Variants in VAV3 observed in about 807,000 individuals in gnomAD.
VAV3 encodes the protein vav guanine nucleotide exchange factor 3.
Under a neutral mutation model 131.2 loss-of-function variants are expected in VAV3, and 94 were observed. The ratio of observed to expected loss-of-function variants is 0.72; its 90% CI spans 0.61 to 0.85. The LOEUF is 0.85. Ranked by LOEUF, VAV3 falls within the 40% of genes least tolerant of loss-of-function variation. The pLI is 0.00. For missense variants in VAV3, 939 were observed against 1,002.7 expected (o/e 0.94, Z 0.86); for synonymous variants, 349 against 342.0 (o/e 1.02, Z -0.22).
intron 17 of VAV3, among the ~76,000 whole-genome samples, chr1:107,701,001 C>T (rs1197173095): frequency 2.6e-5 from 4 of 152,082 alleles, no homozygotes; most frequent in Admixed American, 1.3e-4. Flanking sequence ...TTCTGAATAG[C>T]GTGAGATGGT....
intron 20 of VAV3, among the ~76,000 whole-genome samples, chr1:107,641,332 TTC>T (rs1570667444): frequency 1.3e-5 from 2 of 152,198 alleles, no homozygotes; most frequent in Admixed American, 1.3e-4. Flanking sequence ...TTTCTCTGAT[TTC>T]TCTCTTTTTA....
intron 1 of VAV3, among the ~76,000 whole-genome samples, chr1:107,952,942 A>G (rs936166946): frequency 2.0e-5 from 3 of 152,238 alleles, no homozygotes; most frequent in African/African-American, 7.2e-5. Flanking sequence ...CAGACTAAAA[A>G]ATAACAGAAA....
intron 2 of VAV3, among the ~76,000 whole-genome samples, chr1:107,858,863 T>C (rs2100978449): frequency 6.6e-6 from 1 of 152,290 alleles, no homozygotes; most frequent in African/African-American, 2.4e-5. Context: ...GACATCTCAT[T>C]CTTCAAATGT....
chr1:107,881,484 T>C (rs1202762102), intron 1 of VAV3, among the ~76,000 whole-genome samples: 2 of 152,178 alleles, frequency 1.3e-5, no homozygotes, highest in East Asian at 3.9e-4. Flanking sequence ...TGTCTTCACA[T>C]ATAAAAACTC....
At chr1:107,703,896 G>A (rs186503202) in intron 17 of VAV3, among the ~76,000 whole-genome samples, 214 of 152,240 alleles carry the variant, frequency 1.4e-3, no homozygotes, top group African/African-American at 5.0e-3. Flanking sequence ...ATAAAGACAA[G>A]GAAGAGAGCC....
chr1:107,803,887 T>C (rs1384556428), intron 2 of VAV3, among the ~76,000 whole-genome samples: 2 of 152,008 alleles, frequency 1.3e-5, no homozygotes, highest in Non-Finnish European at 2.9e-5. Flanking sequence ...AATCTATCTC[T>C]CCCTTCAGAT....
chr1:107,919,627 A>G (rs956663467), intron 1 of VAV3, among the ~76,000 whole-genome samples: 7 of 152,188 alleles, frequency 4.6e-5, no homozygotes, highest in African/African-American at 1.7e-4. Flanking sequence ...TATATATATT[A>G]TGCATAATTT....
chr1:107,907,057 A>C (rs1369900617), intron 1 of VAV3, among the ~76,000 whole-genome samples: 1 of 152,228 alleles, frequency 6.6e-6, no homozygotes, highest in African/African-American at 2.4e-5. Flanking sequence ...GAATTTTTAT[A>C]TCTCCACAAC....
intron 19 of VAV3, among the ~76,000 whole-genome samples, chr1:107,656,679 T>C (rs1348795334): frequency 1.3e-5 from 2 of 152,154 alleles, no homozygotes; most frequent in Non-Finnish European, 2.9e-5. Context: ...GATGTGACTA[T>C]ATCAGTGTAT....
rs571080741 is a variant in VAV3, at chr1:107,843,524, C to T, written c.321+31377G>A. On this transcript the variant is annotated intron_variant, in intron 2 of 26. Coordinates refer to ENST00000370056, the MANE Select transcript of VAV3 (RefSeq NM_006113.5). ...TGTTGAGATTAAAAATGTATGTGTG[C>T]GTGTGTGTGTGTGTATATATATATA... 1.3e-3 allele frequency among the ~76,000 whole-genome samples: 197 copies of T among 146,104 alleles called. 1 individual carries two copies. The highest frequency in any genetic ancestry group is 8.3e-3 in the South Asian group (38 of 4,594).
intron 1 of VAV3, among the ~76,000 whole-genome samples, chr1:107,935,746 A>G (rs1171949682): frequency 6.6e-6 from 1 of 152,170 alleles, no homozygotes; most frequent in African/African-American, 2.4e-5. Flanking sequence ...GGCACCAAAA[A>G]CAGACAGGCC....
At chr1:107,810,329 A>G (rs1667256608) in intron 2 of VAV3, among the ~76,000 whole-genome samples, 1 of 152,204 alleles carries the variant, frequency 6.6e-6, no homozygotes, top group African/African-American at 2.4e-5. Flanking sequence ...CAATGAGGAC[A>G]GAAGAGACAT....
chr1:107,587,155 T>C (rs571080362), intron 25 of VAV3, among the ~76,000 whole-genome samples: 9 of 152,264 alleles, frequency 5.9e-5, no homozygotes, highest in African/African-American at 1.2e-4. Flanking sequence ...GAGTATGATA[T>C]AGTATTTAAT....
intron 1 of VAV3, among the ~76,000 whole-genome samples, chr1:107,921,013 T>A (rs1429443264): frequency 6.6e-6 from 1 of 152,190 alleles, no homozygotes; most frequent in Non-Finnish European, 1.5e-5. Flanking sequence ...TCATAAAGCT[T>A]TTTAACTGGT....
At chr1:107,822,669 T>A (rs200668570) in intron 2 of VAV3, among the ~76,000 whole-genome samples, 1 of 112,974 alleles carries the variant, frequency 8.9e-6, no homozygotes, top group African/African-American at 3.6e-5. Context: ...AATAAATAAA[T>A]AAATAAATAA....
At chr1:107,935,753 G>A (rs957865861) in intron 1 of VAV3, among the ~76,000 whole-genome samples, 6 of 152,118 alleles carry the variant, frequency 3.9e-5, no homozygotes, top group Admixed American at 1.3e-4. Flanking sequence ...AAAACAGACA[G>A]GCCAACCAAG....
At chr1:107,783,521 C>T (rs1665813323) in intron 2 of VAV3, among the ~76,000 whole-genome samples, 2 of 152,096 alleles carry the variant, frequency 1.3e-5, no homozygotes, top group Non-Finnish European at 2.9e-5. Context: ...TGGACAGCCC[C>T]AAGGCCGCCT....
At chr1:107,872,783 A>G (rs1190564319) in intron 2 of VAV3, among the ~76,000 whole-genome samples, 2 of 152,216 alleles carry the variant, frequency 1.3e-5, no homozygotes, top group African/African-American at 4.8e-5. Context: ...TCAAATAGAT[A>G]TGTGATTTGG....
intron 2 of VAV3, among the ~76,000 whole-genome samples, chr1:107,835,047 T>A (rs977596884): frequency 6.6e-6 from 1 of 152,148 alleles, no homozygotes; most frequent in African/African-American, 2.4e-5. Flanking sequence ...GCACCCATCA[T>A]TCAAGGCTCT....
Sources: allele counts gnomAD v4.1 joint callset (sites outside exome capture counted in the v4.1 genomes callset), GRCh38; gene constraint gnomAD v4.1.1; transcripts MANE v1.5; gene names NCBI Gene and HGNC (gene_info 2026-07-23, HGNC 2026-07-21).